The following PCDHGA8 variants were observed in gnomAD, a reference collection of about 807,000 sequenced individuals.
The protein encoded by PCDHGA8 is protocadherin gamma subfamily A, 8, also known as protocadherin gamma-A8.
A neutral mutation model predicts 59.2 loss-of-function variants in PCDHGA8; 45 were observed. The ratio of observed to expected loss-of-function variants is 0.76; its 90% CI spans 0.60 to 0.98. PCDHGA8 has a LOEUF of 0.98. Ranked by LOEUF, PCDHGA8 falls within the 50% of genes least tolerant of loss-of-function variation. The pLI is 0.00. For missense variants in PCDHGA8, 1,257 were observed against 1,196.2 expected (o/e 1.05, Z -0.75); for synonymous variants, 531 against 519.0 (o/e 1.02, Z -0.32).
intron 1 of PCDHGA8, chr5:141,412,984 C>A: frequency 1.8e-6 from 1 of 558,874 alleles, no homozygotes; most frequent in Non-Finnish European, 3.0e-6. Context: ...GCAGCCAGAG[C>A]TCAATCCGGA....
At chr5:141,399,949 A>G in intron 1 of PCDHGA8, 1 of 1,612,272 alleles carries the variant, frequency 6.2e-7, no homozygotes, top group Non-Finnish European at 8.5e-7. Flanking sequence ...GCTGCAGGCT[A>G]GCGAGCCCGG....
intron 1 of PCDHGA8, chr5:141,396,614 C>G (rs904107360): frequency 1.3e-5 from 2 of 149,602 alleles, no homozygotes; most frequent in African/African-American, 4.9e-5. Flanking sequence ...GGTGAGACTC[C>G]GTCTCAAAAA....
chr5:141,491,571 C>G lies in PCDHGA8; in HGVS notation c.2425-3236C>G. The G allele has an allele frequency of 6.2e-7, 1 of 1,614,026 alleles. No individual in the cohort carries two copies. The highest frequency in any genetic ancestry group is 8.5e-7 in the Non-Finnish European group (1 of 1,180,042). ...CGCAGAGCCACTGCTACAGGACGTG[C>G]TTTTCACCGGCCTCGGACGGCAGTG... On this transcript the variant is annotated intron_variant, in intron 1 of 3. Transcript: ENST00000398604. This position sits in a 1 kb window ranked among gnomAD's most constrained non-coding sequence, Gnocchi z 6.9.
chr5:141,449,724 A>AT (rs911465424), intron 1 of PCDHGA8, among the ~76,000 whole-genome samples: 1 of 151,176 alleles, frequency 6.6e-6, no homozygotes, highest in African/African-American at 2.4e-5. Context: ...ATATGATATG[A>AT]TTTTTTTATG....
chr5:141,399,797 G>C lies in PCDHGA8; in HGVS notation c.2424+4560G>C, dbSNP rs760211919. On this transcript the variant is annotated intron_variant, in intron 1 of 3. Coordinates refer to ENST00000398604, the MANE Select transcript of PCDHGA8 (RefSeq NM_032088.2). ...GGCGACCGAAACGACAACGCACCGC[G>C]GGTGCTGTACCCCGCGCTGGGTCCC... 4.3e-6 allele frequency: 7 copies of C among 1,613,192 alleles called. No homozygotes were observed. In the South Asian group the frequency reaches 7.7e-5, roughly 18 times the overall value.
In PCDHGA8 at chr5:141,448,129, C is replaced by A. The variant is rs116387986; in HGVS notation, c.2425-46678C>A. On this transcript the variant is annotated intron_variant, in intron 1 of 3. Coordinates refer to ENST00000398604, the MANE Select transcript of PCDHGA8 (RefSeq NM_032088.2). Reference sequence around the variant, plus strand: ...AGAAAAGAAAATTAGCCTCCCCCACCCTCACTATACCTCAGACTCACCCCT... The same window carrying A: ...AGAAAAGAAAATTAGCCTCCCCCACACTCACTATACCTCAGACTCACCCCT... 4.4e-3 allele frequency among the ~76,000 whole-genome samples: 671 copies of A among 152,002 alleles called. 4 individuals carry two copies. Among genetic ancestry groups the A allele is most frequent in the African/African-American group, 0.015 (612 of 41,466 alleles).
chr5:141,475,768 G>A (rs756539564), intron 1 of PCDHGA8, among the ~76,000 whole-genome samples: 5 of 152,280 alleles, frequency 3.3e-5, no homozygotes, highest in South Asian at 2.1e-4. Flanking sequence ...TACTGGCAAG[G>A]CGCTTTGGCT....
chr5:141,410,234 CG>C, intron 1 of PCDHGA8: 1 of 1,613,984 alleles, frequency 6.2e-7, no homozygotes, highest in Non-Finnish European at 8.5e-7. Context: ...CCTCAGCGAC[CG>C]CCCTGTACTC....
intron 1 of PCDHGA8, chr5:141,427,868 C>T (rs1311930991): frequency 4.5e-6 from 7 of 1,559,298 alleles, no homozygotes; most frequent in African/African-American, 2.7e-5. Context: ...CCTTCGAGCT[C>T]ACGATGCAGG....
At chr5:141,478,044 C>G in intron 1 of PCDHGA8, 1 of 1,614,184 alleles carries the variant, frequency 6.2e-7, no homozygotes. Flanking sequence ...CCCAGGCAGA[C>G]TCTCACGGTC....
intron 2 of PCDHGA8, among the ~76,000 whole-genome samples, chr5:141,504,948 T>C (rs1044527570): frequency 2.0e-5 from 3 of 152,080 alleles, no homozygotes; most frequent in Admixed American, 1.3e-4. Flanking sequence ...GAATGCACTA[T>C]GTTCAATGCA....
chr5:141,489,211 A>G lies in PCDHGA8; in HGVS notation c.2425-5596A>G, dbSNP rs1206929838. On this transcript the variant is annotated intron_variant, in intron 1 of 3. Coordinates refer to ENST00000398604, the MANE Select transcript of PCDHGA8 (RefSeq NM_032088.2). This position sits in a 1 kb window ranked among gnomAD's most constrained non-coding sequence, Gnocchi z 4.5. The stretch of plus-strand genomic sequence containing the variant: ...CTACCTTGGAGACAGGACAGCACAG[A>G]CTTACTCTCCACAAAGGGACTTCTG... 2 of 1,462,498 alleles carry G rather than the reference A, an allele frequency of 1.4e-6. No individual in the cohort carries two copies. Among genetic ancestry groups the G allele is most frequent in the Non-Finnish European group, 1.8e-6 (2 of 1,081,560 alleles). The allele number at this position is 1,462,498 out of a possible 1,614,324, so 90.6% of individuals were successfully genotyped here. A position where few individuals can be genotyped will look rare whatever the true frequency, so the allele number is the denominator to read the frequency against.
intron 1 of PCDHGA8, among the ~76,000 whole-genome samples, chr5:141,465,280 C>T (rs922029628): frequency 7.2e-5 from 11 of 151,990 alleles, no homozygotes; most frequent in Non-Finnish European, 1.5e-4. Flanking sequence ...TTAGTTCACC[C>T]CTAAAGAACT....
At position 141,477,263 on chromosome 5, in the gene PCDHGA8, G is replaced by C. The variant is rs543767777; in HGVS notation, c.2425-17544G>C. ...CAGTGTGACTGACCTGGATGCTGGC[G>C]AGAACGGGCTGGTGACCTGCGAAGT... On this transcript the variant is annotated intron_variant, in intron 1 of 3. Coordinates refer to ENST00000398604, the MANE Select transcript of PCDHGA8 (RefSeq NM_032088.2). The surrounding 1 kb of genome is among the most constrained non-coding windows in gnomAD (Gnocchi z 4.9). The C allele has an allele frequency of 6.2e-7, 1 of 1,614,192 alleles. No individual in the cohort carries two copies. The highest frequency in any genetic ancestry group is 1.3e-5 in the African/African-American group (1 of 75,058).
intron 1 of PCDHGA8, chr5:141,421,333 G>A (rs1458277535): frequency 2.5e-6 from 4 of 1,613,850 alleles, no homozygotes; most frequent in Admixed American, 1.7e-5. Flanking sequence ...CCGATATTCG[G>A]TGCCAGAAGA....
chr5:141,470,825 C>T (rs557419577), intron 1 of PCDHGA8, among the ~76,000 whole-genome samples: 5 of 152,064 alleles, frequency 3.3e-5, no homozygotes, highest in Admixed American at 1.3e-4. Context: ...GTAGTTAGGA[C>T]GACAAACACA....
At chr5:141,496,799 G>C (rs2099771487) in intron 2 of PCDHGA8, among the ~76,000 whole-genome samples, 1 of 151,912 alleles carries the variant, frequency 6.6e-6, no homozygotes, top group African/African-American at 2.4e-5. Context: ...TAAACATTGG[G>C]CTATAGGAGT....
chr5:141,415,953 T>C, intron 1 of PCDHGA8: 3 of 486,080 alleles, frequency 6.2e-6, no homozygotes, highest in Non-Finnish European at 9.4e-6. Context: ...TGGTCACATA[T>C]TGAAACTCCA....
intron 1 of PCDHGA8, chr5:141,423,184 C>T (rs747938944): frequency 9.3e-6 from 15 of 1,613,442 alleles, no homozygotes; most frequent in Non-Finnish European, 1.2e-5. Context: ...CCACGGCCAG[C>T]CCCCTCTCTC....
Sources: allele counts gnomAD v4.1 joint callset (sites outside exome capture counted in the v4.1 genomes callset), GRCh38; gene constraint gnomAD v4.1.1; non-coding constraint Gnocchi (gnomAD v3.1); transcripts MANE v1.5; gene names NCBI Gene and HGNC (gene_info 2026-07-23, HGNC 2026-07-21).